FAM199X: variants seen among roughly 807,000 people sequenced by gnomAD.
The protein encoded by FAM199X is family with sequence similarity 199, X-linked.
A neutral mutation model predicts 22.9 loss-of-function variants in FAM199X; 4 were observed. That is an observed-to-expected ratio of 0.17 (90% CI 0.09 to 0.40). The LOEUF (loss-of-function observed/expected upper bound fraction) is 0.40. FAM199X is among the 10% of genes least tolerant of loss of function. The pLI, the probability that FAM199X is intolerant of heterozygous loss-of-function variation, is 1.00. For synonymous variants in FAM199X, 101 were observed against 112.3 expected (o/e 0.90, Z 0.64); for missense variants, 183 against 306.8 (o/e 0.60, Z 3.01).
At chrX:104,168,125 T>C (rs1921260571) in intron 1 of FAM199X, among the ~76,000 whole-genome samples, 1 of 112,443 alleles carries the variant, frequency 8.9e-6, no homozygotes, top group Non-Finnish European at 1.9e-5. Context: ...AGATGTTTCT[T>C]ACATAAATGA....
upstream of FAM199X, among the ~76,000 whole-genome samples, chrX:104,166,430 G>C (rs1389771677): frequency 1.8e-5 from 2 of 111,591 alleles, no homozygotes; most frequent in Admixed American, 9.3e-5. Context: ...TCCCCTCCTT[G>C]CGGGCGCCGG....
At chrX:104,185,247 T>G (rs1449499006) in intron 2 of FAM199X, among the ~76,000 whole-genome samples, 1 of 109,539 alleles carries the variant, frequency 9.1e-6, no homozygotes. Flanking sequence ...AATACAGACT[T>G]GAGGTCAAAG....
upstream of FAM199X, among the ~76,000 whole-genome samples, chrX:104,164,283 C>T (rs1556373223): frequency 8.9e-6 from 1 of 112,319 alleles, no homozygotes; most frequent in Non-Finnish European, 1.9e-5. Context: ...TTATTCTCTT[C>T]AGACTACTGC....
upstream of FAM199X, among the ~76,000 whole-genome samples, chrX:104,166,397 G>C (rs953015348): frequency 9.8e-5 from 11 of 111,746 alleles, no homozygotes; most frequent in African/African-American, 3.6e-4. Flanking sequence ...CAGGGGGCAC[G>C]GGGAGTGGCT....
At chrX:104,172,239 C>CAAA (rs782684130) in intron 1 of FAM199X, among the ~76,000 whole-genome samples, 1 of 63,766 alleles carries the variant, frequency 1.6e-5, no homozygotes. Flanking sequence ...CTTTCTCTTC[C>CAAA]AAAAAAAAAA....
At chrX:104,184,543 G>T (rs1269322575) in intron 2 of FAM199X, among the ~76,000 whole-genome samples, 1 of 111,255 alleles carries the variant, frequency 9.0e-6, no homozygotes, top group Non-Finnish European at 1.9e-5. Context: ...GGTCATGGCG[G>T]TGACCATGCA....
intron 1 of FAM199X, among the ~76,000 whole-genome samples, chrX:104,169,116 G>A (rs186402390): frequency 8.9e-6 from 1 of 111,757 alleles, no homozygotes; most frequent in Non-Finnish European, 1.9e-5. Context: ...GAGGACCATA[G>A]GCTTCCAGCC....
At position 104,172,555 on chromosome X, in the gene FAM199X, A is replaced by G. The variant is rs782171518; in HGVS notation, c.198-3068A>G. ...TGATAATTAAAAACAAAAGACAAAG[A>G]CTTCTAAGAACATTCAGAACCTTGT... On this transcript the variant is annotated intron_variant, in intron 1 of 5. Coordinates refer to ENST00000493442, the MANE Select transcript of FAM199X (RefSeq NM_207318.4). Among the ~76,000 whole-genome samples the G allele has an allele frequency of 2.7e-5, 3 of 112,045 alleles. No homozygotes were observed. The South Asian group carries it at 1.1e-3, about 41-fold the overall frequency.
intron 1 of FAM199X, 102 bp from the exon 2 acceptor site, chrX:104,175,521 T>A (rs1921466254): frequency 1.4e-6 from 1 of 691,300 alleles, no homozygotes; most frequent in Non-Finnish European, 2.1e-6. Context: ...ACAAAAAACC[T>A]CACATTCCTT....
chrX:104,174,030 T>G (rs1921426104), intron 1 of FAM199X, among the ~76,000 whole-genome samples: 1 of 111,455 alleles, frequency 9.0e-6, no homozygotes, highest in Admixed American at 9.6e-5. Flanking sequence ...ATTCCAGTGG[T>G]TTGGGAGGCT....
intron 2 of FAM199X, among the ~76,000 whole-genome samples, chrX:104,182,886 A>AT (rs1556378225): frequency 9.0e-6 from 1 of 111,396 alleles, no homozygotes; most frequent in African/African-American, 3.3e-5. Flanking sequence ...ATCCTTCGAG[A>AT]TTGATGATAT....
At chrX:104,165,725 A>G (rs932222557), upstream of FAM199X, among the ~76,000 whole-genome samples, 10 of 111,347 alleles carry the variant, frequency 9.0e-5, no homozygotes, top group African/African-American at 3.3e-4. Context: ...AAAGTACACT[A>G]TATAACACCT....
At chrX:104,182,570 AT>A (rs782235025) in intron 2 of FAM199X, among the ~76,000 whole-genome samples, 4 of 111,590 alleles carry the variant, frequency 3.6e-5, no homozygotes, top group Non-Finnish European at 7.5e-5. Context: ...TGTTAATCAT[AT>A]TGACATATGA....
Position 104,194,747 on chromosome X carries a change from G to A in FAM199X, c.*4969G>A, listed in dbSNP as rs1922017669. On this transcript the variant is annotated 3_prime_UTR_variant, in exon 6 of 6. Transcript: ENST00000493442. ...TATGGGTAAAAATTTCAAATTGTGGGTTTTTGTTTTTGCTTTTTAGTTTCA... is the reference window on the plus strand; with the variant it reads ...TATGGGTAAAAATTTCAAATTGTGGATTTTTGTTTTTGCTTTTTAGTTTCA... 9.0e-6 allele frequency: 1 copy of A among 111,600 alleles called. No homozygotes were observed. The highest frequency in any genetic ancestry group is 3.2e-5 in the African/African-American group (1 of 30,809). The allele number at this position is 111,600 out of a possible 1,213,427, so 9.2% of individuals were successfully genotyped here.
At chrX:104,183,061 T>C (rs1327659357) in intron 2 of FAM199X, among the ~76,000 whole-genome samples, 1 of 110,751 alleles carries the variant, frequency 9.0e-6, no homozygotes, top group East Asian at 2.8e-4. Context: ...TTTACACCCC[T>C]CCCTCCCCAA....
At chrX:104,164,531 T>TA (rs782417311), upstream of FAM199X, among the ~76,000 whole-genome samples, 2 of 111,586 alleles carry the variant, frequency 1.8e-5, no homozygotes, top group Non-Finnish European at 3.8e-5. Context: ...ACTCTCTCAT[T>TA]AGACTCCGCT....
intron 4 of FAM199X, among the ~76,000 whole-genome samples, chrX:104,187,691 T>C (rs1921840245): frequency 1.8e-5 from 2 of 111,989 alleles, no homozygotes; most frequent in East Asian, 5.6e-4. Flanking sequence ...TTGTCTTAAG[T>C]GGAGACTTTT....
chrX:104,163,651 G>GTCAGTAT (rs1328538038), upstream of FAM199X, among the ~76,000 whole-genome samples: 1 of 108,147 alleles, frequency 9.2e-6, no homozygotes, highest in Non-Finnish European at 1.9e-5. Context: ...CCGTGTCTAT[G>GTCAGTAT]TCAGTATTTC....
chrX:104,162,863 C>T (rs1921072528), upstream of FAM199X, among the ~76,000 whole-genome samples: 1 of 111,678 alleles, frequency 9.0e-6, no homozygotes, highest in African/African-American at 3.3e-5. Context: ...TTGCTGCTTT[C>T]ACCAATCCTG....
Sources: allele counts gnomAD v4.1 joint callset (sites outside exome capture counted in the v4.1 genomes callset), GRCh38; gene constraint gnomAD v4.1.1; transcripts MANE v1.5; gene names NCBI Gene and HGNC (gene_info 2026-07-23, HGNC 2026-07-21).